The following PCDH15 variants were observed in gnomAD, a reference collection of about 807,000 sequenced individuals.
PCDH15 encodes the protein protocadherin-15.
A neutral mutation model predicts 178.5 loss-of-function variants in PCDH15; 129 were observed. The ratio of observed to expected loss-of-function variants is 0.72; its 90% confidence interval spans 0.63 to 0.84. PCDH15 has a LOEUF of 0.84. PCDH15 is among the 40% of genes least tolerant of loss of function. PCDH15 has a pLI of 0.00. For synonymous variants in PCDH15, 800 were observed against 732.0 expected (o/e 1.09, Z -1.50); for missense variants, 2,230 against 2,099.9 (o/e 1.06, Z -1.21).
intron 3 of PCDH15, among the ~76,000 whole-genome samples, chr10:54,859,623 C>T (rs190929315): frequency 6.6e-6 from 1 of 151,882 alleles, no homozygotes; most frequent in African/African-American, 2.4e-5. Context: ...ATAGAGAAAC[C>T]AACATTTATT....
upstream of PCDH15, among the ~76,000 whole-genome samples, chr10:55,323,311 C>T (rs1843952225): frequency 6.6e-6 from 1 of 152,222 alleles, no homozygotes; most frequent in Non-Finnish European, 1.5e-5. Context: ...CACAGAGTCC[C>T]CACTGGGGCA....
intron 3 of PCDH15, among the ~76,000 whole-genome samples, chr10:54,837,851 C>T (rs1953344537): frequency 6.6e-6 from 1 of 151,996 alleles, no homozygotes; most frequent in Non-Finnish European, 1.5e-5. Context: ...ACCCTGGCTA[C>T]CAACTGTAGT....
chr10:54,736,722 A>T (rs1384638032), intron 1 of PCDH15, among the ~76,000 whole-genome samples: 1 of 152,076 alleles, frequency 6.6e-6, no homozygotes, highest in East Asian at 1.9e-4. Context: ...TCTTAAAGAC[A>T]GTATATCAGC....
intron 1 of PCDH15, among the ~76,000 whole-genome samples, chr10:55,286,599 GA>G (rs1343319042): frequency 2.0e-5 from 3 of 151,576 alleles, no homozygotes; most frequent in Non-Finnish European, 4.4e-5. Context: ...CAAATACAAG[GA>G]AAACAGCAGG....
chr10:54,078,469 C>A (rs1253300959), intron 17 of PCDH15, among the ~76,000 whole-genome samples: 1 of 151,570 alleles, frequency 6.6e-6, no homozygotes, highest in African/African-American at 2.4e-5. Context: ...TTAAATAGAT[C>A]ATTTCAAGGA....
chr10:55,416,355 C>G (rs1215512933), intron 2 of PCDH15, among the ~76,000 whole-genome samples: 1 of 151,634 alleles, frequency 6.6e-6, no homozygotes, highest in Non-Finnish European at 1.5e-5. Context: ...TGTAAGTAAG[C>G]CTTGCTATCC....
At chr10:54,046,177 C>A (rs2093651444) in intron 18 of PCDH15, among the ~76,000 whole-genome samples, 1 of 152,176 alleles carries the variant, frequency 6.6e-6, no homozygotes, top group South Asian at 2.1e-4. Flanking sequence ...ATTAGAAAGA[C>A]TGACATACCA....
chr10:54,120,591 G>T (rs972319252), intron 15 of PCDH15, among the ~76,000 whole-genome samples: 4 of 152,010 alleles, frequency 2.6e-5, no homozygotes, highest in African/African-American at 9.7e-5. Context: ...GATGGAGTAA[G>T]ATCTACTATG....
At chr10:55,225,820 G>A (rs574147552) in intron 1 of PCDH15, among the ~76,000 whole-genome samples, 4 of 152,144 alleles carry the variant, frequency 2.6e-5, no homozygotes, top group Admixed American at 6.5e-5. Flanking sequence ...CCCTGTACAC[G>A]TTTACTGTTT....
chr10:54,267,576 T>C (rs1305427863), intron 8 of PCDH15, among the ~76,000 whole-genome samples: 1 of 151,832 alleles, frequency 6.6e-6, no homozygotes, highest in African/African-American at 2.4e-5. Context: ...TTCAGTAAAG[T>C]TTTAAGATAG....
chr10:54,162,564 C>A (rs2133460437), intron 13 of PCDH15, among the ~76,000 whole-genome samples: 1 of 152,236 alleles, frequency 6.6e-6, no homozygotes, highest in Non-Finnish European at 1.5e-5. Flanking sequence ...CATTTTATAG[C>A]AAGAGTATAA....
intron 2 of PCDH15, among the ~76,000 whole-genome samples, chr10:54,559,609 T>G (rs2087787431): frequency 6.6e-6 from 1 of 152,034 alleles, no homozygotes; most frequent in African/African-American, 2.4e-5. Context: ...TTGAATTTTT[T>G]TTCTATCTAC....
At chr10:54,340,463 A>G (rs1032540009) in intron 6 of PCDH15, among the ~76,000 whole-genome samples, 1 of 152,176 alleles carries the variant, frequency 6.6e-6, no homozygotes, top group Non-Finnish European at 1.5e-5. Flanking sequence ...TTTTTGGTAA[A>G]CAGCTCAAGT....
chr10:54,877,032 C>A (rs1954157974), intron 3 of PCDH15, among the ~76,000 whole-genome samples: 1 of 152,126 alleles, frequency 6.6e-6, no homozygotes, highest in Non-Finnish European at 1.5e-5. Context: ...ACCACAGTCA[C>A]CCCAGCTTTT....
At chr10:55,000,777 C>T (rs1176938654) in intron 2 of PCDH15, among the ~76,000 whole-genome samples, 3 of 152,156 alleles carry the variant, frequency 2.0e-5, no homozygotes, top group Admixed American at 1.3e-4. Context: ...TGGCTTCAGT[C>T]AGTCCCTCCA....
At chr10:54,762,079 C>G (rs1379426575) in intron 1 of PCDH15, among the ~76,000 whole-genome samples, 1 of 152,112 alleles carries the variant, frequency 6.6e-6, no homozygotes, top group African/African-American at 2.4e-5. Flanking sequence ...CTCAGATATA[C>G]TCTCCAACTA....
chr10:54,110,612 AT>A (rs1177985231), intron 15 of PCDH15, among the ~76,000 whole-genome samples: 1 of 152,076 alleles, frequency 6.6e-6, no homozygotes, highest in African/African-American at 2.4e-5. Flanking sequence ...AACTACCTTT[AT>A]TTTGGAGGAG....
At chr10:55,341,805 ATTTTTTTTTTTTTTT>A (rs869187882) in intron 2 of PCDH15, among the ~76,000 whole-genome samples, 351 of 16,070 alleles carry the variant, frequency 0.022, 2 homozygotes, top group African/African-American at 0.035. Context: ...ATATATATAT[ATTTTTTTTTTTTTTT>A]TTTTTTTTTT....
chr10:54,067,420 G>A (rs2135817512), intron 17 of PCDH15, among the ~76,000 whole-genome samples: 1 of 152,256 alleles, frequency 6.6e-6, no homozygotes, highest in Non-Finnish European at 1.5e-5. Flanking sequence ...CCATATACTA[G>A]GCATGAAATG....
Sources: gnomAD v4.1 joint callset for allele counts (sites outside exome capture counted in the v4.1 genomes callset) on GRCh38, gnomAD v4.1.1 for gene constraint, MANE v1.5 for transcripts, NCBI Gene and HGNC (gene_info 2026-07-23, HGNC 2026-07-21) for gene names.